GABRB1: variants seen among roughly 807,000 people sequenced by gnomAD.
GABRB1 encodes the protein gamma-aminobutyric acid receptor subunit beta-1.
GABRB1 carries 17 observed loss-of-function variants against 51.6 expected under a neutral mutation model. That is an observed-to-expected ratio of 0.33 (90% confidence interval 0.23 to 0.49). The LOEUF is 0.49. Ranked by LOEUF, GABRB1 falls within the 20% of genes least tolerant of loss-of-function variation. The pLI is 0.99. For synonymous variants in GABRB1, 247 were observed against 218.9 expected (o/e 1.13, Z -1.14); for missense variants, 410 against 600.6 (o/e 0.68, Z 3.32).
intron 3 of GABRB1, among the ~76,000 whole-genome samples, chr4:47,112,073 G>A (rs550298809): frequency 1.7e-4 from 26 of 151,216 alleles, no homozygotes; most frequent in African/African-American, 5.6e-4. Flanking sequence ...GGGTTCAAGC[G>A]ATTCTCCTGC....
chr4:46,994,743 G>A (rs1723930558), intron 1 of GABRB1, among the ~76,000 whole-genome samples: 1 of 152,150 alleles, frequency 6.6e-6, no homozygotes, highest in South Asian at 2.1e-4. Flanking sequence ...AATGATGCAT[G>A]TGGAAATTTT....
chr4:47,270,361 T>A (rs1722824124), intron 4 of GABRB1, among the ~76,000 whole-genome samples: 1 of 152,148 alleles, frequency 6.6e-6, no homozygotes, highest in African/African-American at 2.4e-5. Context: ...TCAGAAGAGT[T>A]TCTGCAGGAG....
intron 4 of GABRB1, among the ~76,000 whole-genome samples, chr4:47,266,346 T>A (rs1722638595): frequency 6.6e-6 from 1 of 152,180 alleles, no homozygotes; most frequent in African/African-American, 2.4e-5. Flanking sequence ...TATTTTGAAG[T>A]CAAGTAATGT....
chr4:47,031,861 T>C, intron 1 of GABRB1, 53 bp from the exon 2 acceptor site: 2 of 1,549,968 alleles, frequency 1.3e-6, no homozygotes, highest in East Asian at 2.2e-5. Flanking sequence ...TCTTTTTATA[T>C]GTGCTCACAG....
intron 4 of GABRB1, among the ~76,000 whole-genome samples, chr4:47,258,148 AT>A (rs1174273719): frequency 6.6e-6 from 1 of 152,122 alleles, no homozygotes; most frequent in Non-Finnish European, 1.5e-5. Context: ...AGTGTATCAT[AT>A]TTTTATTATA....
intron 8 of GABRB1, among the ~76,000 whole-genome samples, chr4:47,407,326 C>A (rs903355650): frequency 6.6e-6 from 1 of 152,136 alleles, no homozygotes; most frequent in East Asian, 1.9e-4. Flanking sequence ...AGTTTAGTCA[C>A]CTAATGGCTT....
intron 5 of GABRB1, among the ~76,000 whole-genome samples, chr4:47,358,661 T>C (rs1726679104): frequency 6.6e-6 from 1 of 152,112 alleles, no homozygotes; most frequent in South Asian, 2.1e-4. Context: ...GACCTCATTT[T>C]AACTTAATTA....
intron 3 of GABRB1, among the ~76,000 whole-genome samples, chr4:47,100,064 CG>C (rs1307253662): frequency 2.6e-5 from 4 of 151,802 alleles, no homozygotes; most frequent in African/African-American, 9.6e-5. Context: ...AAATTATGTT[CG>C]GGGTTTAAAA....
intron 3 of GABRB1, among the ~76,000 whole-genome samples, chr4:47,053,418 C>A (rs1337469324): frequency 6.6e-6 from 1 of 152,102 alleles, no homozygotes; most frequent in Non-Finnish European, 1.5e-5. Context: ...GATTCAGGGA[C>A]CCAAGAGAGG....
intron 5 of GABRB1, among the ~76,000 whole-genome samples, chr4:47,332,076 C>T (rs960324678): frequency 2.0e-5 from 3 of 152,184 alleles, no homozygotes; most frequent in Non-Finnish European, 4.4e-5. Flanking sequence ...TTAATTGGTC[C>T]TTCTCTCTCA....
intron 5 of GABRB1, among the ~76,000 whole-genome samples, chr4:47,383,182 T>C (rs1299254396): frequency 6.6e-6 from 1 of 152,212 alleles, no homozygotes; most frequent in African/African-American, 2.4e-5. Flanking sequence ...GCTAAGGCTA[T>C]CCAACCTGAT....
chr4:47,201,683 C>T (rs1274628534), intron 4 of GABRB1, among the ~76,000 whole-genome samples: 1 of 151,948 alleles, frequency 6.6e-6, no homozygotes, highest in African/African-American at 2.4e-5. Flanking sequence ...ATGTATTATT[C>T]ATTACCAATA....
At chr4:47,339,929 C>T (rs1303734885) in intron 5 of GABRB1, among the ~76,000 whole-genome samples, 4 of 151,982 alleles carry the variant, frequency 2.6e-5, no homozygotes, top group Non-Finnish European at 4.4e-5. Context: ...CCATAGTCCA[C>T]TAAGTAATAA....
chr4:47,273,137 C>G (rs1476602440), intron 4 of GABRB1, among the ~76,000 whole-genome samples: 1 of 152,104 alleles, frequency 6.6e-6, no homozygotes, highest in Admixed American at 6.6e-5. Context: ...CCTTAAGAAC[C>G]TCCCTGTTTA....
chr4:46,996,237 GT>G (rs983760784), intron 1 of GABRB1, among the ~76,000 whole-genome samples: 3 of 152,166 alleles, frequency 2.0e-5, no homozygotes, highest in East Asian at 1.9e-4. Flanking sequence ...ATAGGAAGGT[GT>G]TAAAATCATA....
intron 4 of GABRB1, among the ~76,000 whole-genome samples, chr4:47,248,584 C>G (rs1233691056): frequency 6.6e-6 from 1 of 151,968 alleles, no homozygotes; most frequent in South Asian, 2.1e-4. Context: ...GGATTGGTAC[C>G]AATTCTTCTT....
At chr4:47,006,133 G>A (rs1056400275) in intron 1 of GABRB1, among the ~76,000 whole-genome samples, 8 of 151,290 alleles carry the variant, frequency 5.3e-5, no homozygotes, top group Non-Finnish European at 8.8e-5. Context: ...GATCATTTCC[G>A]ACAGAATTAT....
intron 3 of GABRB1, among the ~76,000 whole-genome samples, chr4:47,046,187 G>A (rs1277679239): frequency 6.6e-6 from 1 of 152,064 alleles, no homozygotes; most frequent in Non-Finnish European, 1.5e-5. Context: ...GTGGAACTGT[G>A]AGTCAATTAA....
Position 47,226,491 on chromosome 4 carries a change from C to T in GABRB1, c.461+65022C>T, listed in dbSNP as rs942164130. On this transcript the variant is annotated intron_variant, in intron 4 of 8. Coordinates refer to ENST00000295454, the MANE Select transcript of GABRB1 (RefSeq NM_000812.4). The stretch of plus-strand genomic sequence containing the variant: ...ACTAAAAGGATTGTGAAAAGAGCAT[C>T]CTCTCCTCTCAAGAAATCATCCCTG... Among the ~76,000 whole-genome samples the T allele has an allele frequency of 5.3e-5, 8 of 152,088 alleles. 1 individual carries two copies. In the South Asian group the frequency reaches 1.0e-3, roughly 20 times the overall value.
Sources: allele counts gnomAD v4.1 joint callset (sites outside exome capture counted in the v4.1 genomes callset), GRCh38; gene constraint gnomAD v4.1.1; transcripts MANE v1.5; gene names NCBI Gene and HGNC (gene_info 2026-07-23, HGNC 2026-07-21).